The following SYNDIG1L variants were observed in gnomAD, a reference collection of about 807,000 sequenced individuals.
SYNDIG1L encodes the protein synapse differentiation inducing 1 like, also known as synapse differentiation-inducing gene protein 1-like.
In SYNDIG1L, 13 loss-of-function variants were observed where a neutral mutation model predicts 20.1. The observed-to-expected ratio is 0.65, with a 90% CI of 0.42 to 1.03. The LOEUF (loss-of-function observed/expected upper bound fraction) is 1.03, where lower values mean the gene tolerates loss of function less well. Among genes scored for constraint, SYNDIG1L ranks in the 50% least tolerant of loss-of-function variants. The pLI is 0.00. For synonymous variants in SYNDIG1L, 128 were observed against 129.3 expected, an observed-to-expected ratio of 0.99 and a Z score of 0.07; for missense variants, 294 against 305.1, an observed-to-expected ratio of 0.96 and a Z score of 0.27.
rs2086077775 is a variant in SYNDIG1L at position 74,406,192 on chromosome 14, C to T, written c.*1343G>A. 2 of 398,098 alleles carry T rather than the reference C, an allele frequency of 5.0e-6. No individual in the cohort carries two copies. The highest frequency in any genetic ancestry group is 4.1e-5 in the African/African-American group (2 of 48,614). 24.7% of individuals were successfully genotyped at this position (398,098 alleles called of 1,614,324 possible). A position where few individuals can be genotyped will look rare whatever the true frequency, so the allele number is the denominator to read the frequency against. ...TAAAATTCTGGATGTGCCCTAGTGG[C>T]TGAGGGTGTTGAGACTGGCACTGAG... On this transcript the variant is annotated 3_prime_UTR_variant, in exon 4 of 4. Transcript: ENST00000331628.
chr14:74,476,639 G>C, the SYNDIG1L span: 1 of 1,436,300 alleles, frequency 7.0e-7, no homozygotes, highest in African/African-American at 1.4e-5. Flanking sequence ...CAGTCGAGAG[G>C]AGCTGGCCGG....
At chr14:74,462,820 GC>G in the SYNDIG1L span, among the ~76,000 whole-genome samples, 3 of 152,078 alleles carry the variant, frequency 2.0e-5, no homozygotes, top group Non-Finnish European at 2.9e-5. Flanking sequence ...TAGCCTAAAT[GC>G]ATTTTTGACT....
chr14:74,447,145 C>T, the SYNDIG1L span, among the ~76,000 whole-genome samples: 754 of 152,116 alleles, frequency 5.0e-3, 24 homozygotes, highest in Admixed American at 0.044. Flanking sequence ...AAATACTAAC[C>T]AAAAACCTCT....
chr14:74,470,744 C>T, the SYNDIG1L span, among the ~76,000 whole-genome samples: 4 of 152,228 alleles, frequency 2.6e-5, no homozygotes, highest in Non-Finnish European at 4.4e-5. Context: ...CTCTTCAAGG[C>T]TCAGCGCAAT....
intron 2 of SYNDIG1L, among the ~76,000 whole-genome samples, chr14:74,408,701 G>A (rs1406480212): frequency 6.6e-6 from 1 of 152,122 alleles, no homozygotes; most frequent in Non-Finnish European, 1.5e-5. Flanking sequence ...ATTACATGGA[G>A]CAATACTAAA....
the SYNDIG1L span, among the ~76,000 whole-genome samples, chr14:74,477,980 C>T: frequency 1.3e-5 from 2 of 152,244 alleles, no homozygotes; most frequent in Admixed American, 1.3e-4. Flanking sequence ...CTCACGGCTG[C>T]AGGCTTCATG....
the SYNDIG1L span, among the ~76,000 whole-genome samples, chr14:74,455,950 C>T: frequency 2.6e-5 from 4 of 152,188 alleles, no homozygotes; most frequent in Admixed American, 6.5e-5. Flanking sequence ...TGCCCCCAGC[C>T]CCACGAAGCA....
the SYNDIG1L span, among the ~76,000 whole-genome samples, chr14:74,467,108 G>A: frequency 4.3e-3 from 660 of 152,238 alleles, 5 homozygotes; most frequent in African/African-American, 0.015. Context: ...ATGGGTCACC[G>A]TGTTATTTCC....
At chr14:74,469,288 C>T in the SYNDIG1L span, among the ~76,000 whole-genome samples, 2 of 146,294 alleles carry the variant, frequency 1.4e-5, no homozygotes, top group African/African-American at 5.1e-5. Context: ...CCAAACACTG[C>T]ATGTTCTCAC....
the SYNDIG1L span, among the ~76,000 whole-genome samples, chr14:74,459,594 C>T: frequency 1.3e-5 from 2 of 152,216 alleles, no homozygotes; most frequent in Non-Finnish European, 2.9e-5. Flanking sequence ...AAACAGATCA[C>T]TTTTCAAACC....
intron 1 of SYNDIG1L, among the ~76,000 whole-genome samples, chr14:74,419,979 C>T (rs1193635157): frequency 2.0e-5 from 3 of 151,984 alleles, no homozygotes; most frequent in Non-Finnish European, 4.4e-5. Context: ...ATGGGTGTAG[C>T]AGGGAAGTTC....
Position 74,409,315 on chromosome 14 carries a change from C to G in SYNDIG1L, c.417+13G>C. ...CTCATGCTGGAATCTGCATTTTAAC[C>G]TCATGCACTCACCTCCTCTTCCTCC... is the stretch of plus-strand genomic sequence containing the variant. On this transcript the variant is annotated intron_variant, in intron 2 of 3. Coordinates refer to ENST00000331628, the MANE Select transcript of SYNDIG1L (RefSeq NM_001105579.2). 1 of 1,492,354 alleles carries G rather than the reference C, an allele frequency of 6.7e-7. No homozygotes were observed. Among genetic ancestry groups the G allele is most frequent in the Non-Finnish European group, 9.0e-7 (1 of 1,112,708 alleles). The allele number at this position is 1,492,354 out of a possible 1,614,324, so 92.4% of individuals were successfully genotyped here. A position where few individuals can be genotyped will look rare whatever the true frequency, so the allele number is the denominator to read the frequency against.
chr14:74,462,210 G>A, the SYNDIG1L span, among the ~76,000 whole-genome samples: 5 of 151,404 alleles, frequency 3.3e-5, no homozygotes, highest in African/African-American at 4.9e-5. Context: ...TTGGCCAGGC[G>A]CTGTGGCTCA....
At chr14:74,457,678 G>C in the SYNDIG1L span, among the ~76,000 whole-genome samples, 1 of 152,032 alleles carries the variant, frequency 6.6e-6, no homozygotes, top group South Asian at 2.1e-4. Context: ...CTATAGAAGG[G>C]GGGCAGCAAA....
At chr14:74,439,377 G>C in the SYNDIG1L span, among the ~76,000 whole-genome samples, 1 of 152,116 alleles carries the variant, frequency 6.6e-6, no homozygotes, top group Non-Finnish European at 1.5e-5. Context: ...GGTGGAAACG[G>C]GGATTTGAGC....
the SYNDIG1L span, among the ~76,000 whole-genome samples, chr14:74,443,892 C>T: frequency 1.6e-3 from 249 of 152,186 alleles, 8 homozygotes; most frequent in South Asian, 5.4e-3. Flanking sequence ...CAAACCTCCA[C>T]GGAATCTCTG....
At chr14:74,477,493 CCT>C in the SYNDIG1L span, among the ~76,000 whole-genome samples, 10 of 151,846 alleles carry the variant, frequency 6.6e-5, no homozygotes, top group African/African-American at 2.4e-4. Flanking sequence ...TCAAGATCAC[CCT>C]GTTTCTTTTC....
intron 1 of SYNDIG1L, among the ~76,000 whole-genome samples, chr14:74,418,412 C>T (rs1041618401): frequency 3.9e-5 from 6 of 152,248 alleles, no homozygotes; most frequent in African/African-American, 1.4e-4. Context: ...TCGCCTCTGT[C>T]TCCAACTGCT....
At chr14:74,444,187 G>A in the SYNDIG1L span, among the ~76,000 whole-genome samples, 6 of 151,902 alleles carry the variant, frequency 3.9e-5, no homozygotes, top group Admixed American at 6.6e-5. Flanking sequence ...AGTCTCCCAA[G>A]TAGCTGGGAT....
Sources: gnomAD v4.1 joint callset for allele counts (sites outside exome capture counted in the v4.1 genomes callset) on GRCh38, gnomAD v4.1.1 for gene constraint, MANE v1.5 for transcripts, NCBI Gene and HGNC (gene_info 2026-07-23, HGNC 2026-07-21) for gene names.